Variants in CNTNAP3B observed in about 807,000 individuals in gnomAD.
CNTNAP3B encodes the protein contactin-associated protein-like 3B.
CNTNAP3B carries 25 observed loss-of-function variants against 108.9 expected under a neutral mutation model. The observed-to-expected ratio is 0.23, with a 90% CI of 0.17 to 0.32. CNTNAP3B has a LOEUF of 0.32. Ranked by LOEUF, CNTNAP3B falls within the 10% of genes least tolerant of loss-of-function variation. The pLI, the probability that CNTNAP3B is intolerant of heterozygous loss-of-function variation, is 1.00. For missense variants in CNTNAP3B, 252 were observed against 1,210.4 expected, an observed-to-expected ratio of 0.21 and a Z score of 11.75; for synonymous variants, 103 against 473.4, an observed-to-expected ratio of 0.22 and a Z score of 10.16.
chr9:41,939,250 A>C (rs1431938351), intron 13 of CNTNAP3B, among the ~76,000 whole-genome samples: 2 of 152,308 alleles, frequency 1.3e-5, no homozygotes, highest in South Asian at 4.1e-4. Flanking sequence ...AGAGGCCACA[A>C]GTTGCAGTCA....
intron 18 of CNTNAP3B, among the ~76,000 whole-genome samples, chr9:41,916,254 A>C (rs1284188200): frequency 2.0e-5 from 3 of 148,516 alleles, no homozygotes; most frequent in African/African-American, 7.5e-5. Flanking sequence ...TTTTTTTGTA[A>C]TATATTTCTA....
intron 14 of CNTNAP3B, among the ~76,000 whole-genome samples, chr9:41,935,960 G>A (rs1168548976): frequency 6.6e-6 from 1 of 152,270 alleles, no homozygotes; most frequent in Non-Finnish European, 1.5e-5. Flanking sequence ...TCATGGGAGG[G>A]TCACTCAATA....
chr9:41,933,229 G>C (rs1374369510), intron 14 of CNTNAP3B, among the ~76,000 whole-genome samples: 2 of 152,264 alleles, frequency 1.3e-5, no homozygotes, highest in South Asian at 2.1e-4. Flanking sequence ...TTTGTCATGG[G>C]GGGGGCTGTC....
chr9:41,942,946 G>T (rs1417137904), intron 13 of CNTNAP3B, among the ~76,000 whole-genome samples: 1 of 152,226 alleles, frequency 6.6e-6, no homozygotes, highest in African/African-American at 2.4e-5. Flanking sequence ...AACATGTCTG[G>T]CTTTCAACAG....
Position 41,999,516 on chromosome 9 carries a change from ACTCT to A in CNTNAP3B, c.539-916_539-913del, listed in dbSNP as rs1190336104. On this transcript the variant is annotated intron_variant, in intron 4 of 23. Transcript: ENST00000377561. ...CAATCAGGTAAGCCAATTCCTTAAA[ACTCT>A]CTCTCTCTCTCTACACACACACACA... 4.8e-5 allele frequency among the ~76,000 whole-genome samples: 5 copies of A among 105,108 alleles called. 1 individual carries two copies. Among genetic ancestry groups the A allele is most frequent in the Admixed American group, 3.0e-4 (3 of 10,124 alleles). 69.0% of individuals were successfully genotyped at this position (105,108 alleles called of 152,430 possible).
intron 17 of CNTNAP3B, among the ~76,000 whole-genome samples, chr9:41,921,999 A>G (rs1185798202): frequency 6.8e-6 from 1 of 146,528 alleles, no homozygotes; most frequent in Non-Finnish European, 1.5e-5. Context: ...TGATCTCACT[A>G]ATAGTGTTGA....
intron 13 of CNTNAP3B, among the ~76,000 whole-genome samples, chr9:41,942,025 A>G (rs1419888558): frequency 6.6e-6 from 1 of 152,302 alleles, no homozygotes; most frequent in Non-Finnish European, 1.5e-5. Flanking sequence ...CTAGTTTACT[A>G]GAGCCTAAAC....
intron 12 of CNTNAP3B, among the ~76,000 whole-genome samples, chr9:41,958,248 C>A (rs868038453): frequency 6.6e-6 from 1 of 152,304 alleles, no homozygotes; most frequent in Non-Finnish European, 1.5e-5. Context: ...GCTGGGACTA[C>A]AGATACATGT....
chr9:42,122,034 C>T (rs376093996), intron 1 of CNTNAP3B, among the ~76,000 whole-genome samples: 8 of 139,712 alleles, frequency 5.7e-5, no homozygotes, highest in Admixed American at 1.4e-4. Flanking sequence ...TGTGTGCACA[C>T]GCAGTGGGTT....
intron 14 of CNTNAP3B, among the ~76,000 whole-genome samples, chr9:41,935,779 G>A (rs1824138784): frequency 6.6e-6 from 1 of 152,404 alleles, no homozygotes; most frequent in African/African-American, 2.4e-5. Flanking sequence ...TCTGAATGTA[G>A]GAGGGGAGTT....
chr9:42,119,613 C>T (rs62558074), intron 1 of CNTNAP3B, among the ~76,000 whole-genome samples: 105,231 of 130,366 alleles, frequency 0.81, 46,347 homozygotes, highest in East Asian at 0.89. Flanking sequence ...AACAGCATGG[C>T]ACTGGTACCA....
rs1386970921 is a variant in CNTNAP3B at position 42,110,403 on chromosome 9, G to A, written c.86-5664C>T. Among the ~76,000 whole-genome samples the A allele has an allele frequency of 7.2e-4, 99 of 136,738 alleles. 21 individuals are homozygous for A. Among genetic ancestry groups the A allele is most frequent in the African/African-American group, 2.0e-3 (68 of 34,102 alleles). 89.7% of individuals were successfully genotyped at this position (136,738 alleles called of 152,430 possible). ...TGGAAGGAGAGGGGAAGGGGCCACC[G>A]AACTGCTAATATGAGGGGACGGCAC... On this transcript the variant is annotated intron_variant, in intron 1 of 23. Coordinates refer to ENST00000377561, the MANE Select transcript of CNTNAP3B (RefSeq NM_001201380.3).
chr9:42,033,417 T>G (rs966244363), intron 3 of CNTNAP3B, among the ~76,000 whole-genome samples: 43 of 141,012 alleles, frequency 3.0e-4, no homozygotes, highest in African/African-American at 1.2e-3. Flanking sequence ...GGTACGTATG[T>G]GTCAGAAAAA....
chr9:41,941,484 A>G, intron 13 of CNTNAP3B, among the ~76,000 whole-genome samples: 1 of 151,448 alleles, frequency 6.6e-6, no homozygotes, highest in Middle Eastern at 3.4e-3. Flanking sequence ...CCAGGAAGAC[A>G]TAAATGCATA....
chr9:42,097,377 C>T (rs1292031643), intron 2 of CNTNAP3B, among the ~76,000 whole-genome samples: 1 of 139,268 alleles, frequency 7.2e-6, no homozygotes, highest in Non-Finnish European at 1.5e-5. Flanking sequence ...AAGCTTTTAC[C>T]CCAGGTTAAT....
intron 1 of CNTNAP3B, among the ~76,000 whole-genome samples, chr9:42,119,495 G>A (rs1275775740): frequency 1.6e-5 from 2 of 123,766 alleles, no homozygotes; most frequent in Admixed American, 1.6e-4. Flanking sequence ...AGTTCATATG[G>A]AACCAAAAAA....
intron 1 of CNTNAP3B, among the ~76,000 whole-genome samples, chr9:42,112,925 T>G (rs1423018603): frequency 7.7e-6 from 1 of 129,898 alleles, no homozygotes; most frequent in Non-Finnish European, 1.6e-5. Flanking sequence ...GCTAAATTTT[T>G]TTTGTATTTT....
At chr9:42,028,996 TA>T (rs1826463264) in intron 3 of CNTNAP3B, among the ~76,000 whole-genome samples, 1 of 150,536 alleles carries the variant, frequency 6.6e-6, no homozygotes, top group Admixed American at 6.6e-5. Context: ...TAATTAACAA[TA>T]AATTCAAGAT....
chr9:41,966,334 A>T (rs1308169820), intron 10 of CNTNAP3B, among the ~76,000 whole-genome samples: 1 of 152,306 alleles, frequency 6.6e-6, no homozygotes, highest in Admixed American at 6.5e-5. Context: ...ATATTTGGAA[A>T]TAAGAACTAT....
Sources: allele counts gnomAD v4.1 joint callset (sites outside exome capture counted in the v4.1 genomes callset), GRCh38; gene constraint gnomAD v4.1.1; transcripts MANE v1.5; gene names NCBI Gene and HGNC (gene_info 2026-07-23, HGNC 2026-07-21).